Variants in LVRN observed in about 807,000 individuals in gnomAD.
LVRN encodes the protein aminopeptidase Q.
A neutral mutation model predicts 111.4 loss-of-function variants in LVRN; 99 were observed. That is an observed-to-expected ratio of 0.89 (90% CI 0.76 to 1.05). The LOEUF is 1.05. LVRN is among the 50% of genes least tolerant of loss of function. The pLI is 0.00. For synonymous variants in LVRN, 488 were observed against 449.5 expected (o/e 1.09, Z -1.08); for missense variants, 1,414 against 1,206.8 (o/e 1.17, Z -2.54).
chr5:115,962,980 G>A lies in LVRN; in HGVS notation c.363G>A (p.Pro121=), dbSNP rs1307306885. 1 of 1,613,460 alleles carries A rather than the reference G, an allele frequency of 6.2e-7. No individual in the cohort carries two copies. Among genetic ancestry groups the A allele is most frequent in the Non-Finnish European group, 8.5e-7 (1 of 1,179,894 alleles). Residue 121 remains proline (P), a synonymous_variant, in exon 1 of 20, where the codon CCG becomes CCA. Transcript: ENST00000357872. Reference sequence around the variant, plus strand: ...CGCAGCTGAGGCCCGACGAGCTTCCGGCCGGGTCTTTGCCCTTCACTGGCC... The same window carrying A: ...CGCAGCTGAGGCCCGACGAGCTTCCAGCCGGGTCTTTGCCCTTCACTGGCC... ...LWPQLRPDEL[P]AGSLPFTGRV...
Position 115,992,151 on chromosome 5 carries a change from C to A in LVRN, c.1134C>A (p.Asn378Lys), listed in dbSNP as rs1166817741. ...TDIIALPSFD[N>K]HAMENWGLMI... ...TAATTGCCTTGCCTAGTTTTGACAA[C>A]CATGCAATGGAAAACTGGGGACTAA... The change falls in exon 5 of 20, where the codon AAC (asparagine) becomes AAA (lysine). Residue 378 changes from asparagine to lysine, a missense_variant. By Grantham distance (94) the Asn-to-Lys change is moderately conservative. Coordinates refer to ENST00000357872, the MANE Select transcript of LVRN (RefSeq NM_173800.5). The A allele has an allele frequency of 1.2e-6, 2 of 1,613,394 alleles. No individual in the cohort carries two copies. Among genetic ancestry groups the A allele is most frequent in the Non-Finnish European group, 1.7e-6 (2 of 1,179,712 alleles).
At position 116,025,992 on chromosome 5, in the gene LVRN, C is replaced by T. The variant is rs1325253651; in HGVS notation, c.2847C>T (p.Phe949=). 1 of 1,613,738 alleles carries T rather than the reference C, an allele frequency of 6.2e-7. No individual in the cohort carries two copies. Among genetic ancestry groups the T allele is most frequent in the Non-Finnish European group, 8.5e-7 (1 of 1,179,806 alleles). The change falls in exon 20 of 20, where the codon TTC becomes TTT. Residue 949 remains phenylalanine, a synonymous_variant. Transcript: ENST00000357872. ...DLQIVELQQF[F]SNMLEEHQRI... ...TGTCCTTCCAGCTGCAGCAGTTTTT[C>T]AGTAACATGTTGGAGGAACACCAGA...
At chr5:115,996,110 C>T (rs1435191848) in intron 6 of LVRN, among the ~76,000 whole-genome samples, 1 of 152,152 alleles carries the variant, frequency 6.6e-6, no homozygotes, top group African/African-American at 2.4e-5. Flanking sequence ...TCTTTAACTT[C>T]TTTTGAAAGC....
At chr5:115,964,643 C>CACCT (rs1753165087) in intron 1 of LVRN, among the ~76,000 whole-genome samples, 1 of 151,690 alleles carries the variant, frequency 6.6e-6, no homozygotes, top group Admixed American at 6.6e-5. Context: ...CTCCTCTGTT[C>CACCT]ACCTACCTCT....
At chr5:116,025,918 T>G (rs900274575) in intron 19 of LVRN, 60 bp from the exon 20 acceptor site, 55 of 1,592,278 alleles carry the variant, frequency 3.5e-5, no homozygotes, top group Non-Finnish European at 4.6e-5. Flanking sequence ...CATTTAGACA[T>G]TTACTTTGTC....
chr5:116,011,135 T>C (rs988230212), intron 14 of LVRN, among the ~76,000 whole-genome samples: 2 of 151,614 alleles, frequency 1.3e-5, no homozygotes, highest in Admixed American at 1.3e-4. Flanking sequence ...ACTTCATTCT[T>C]GGTGAAGTGA....
chr5:116,002,199 G>C (rs1748250466), intron 10 of LVRN, among the ~76,000 whole-genome samples: 2 of 152,198 alleles, frequency 1.3e-5, no homozygotes, highest in South Asian at 2.1e-4. Flanking sequence ...ACAGTTGACA[G>C]TCTTCAAGAC....
At position 116,000,643 on chromosome 5, in the gene LVRN, G is replaced by A. The variant is rs200084447; in HGVS notation, c.1632G>A (p.Trp544Ter). Residue 544 changes from tryptophan (W) to a stop codon, truncating the protein, a stop_gained, in exon 9 of 20, where the codon TGG (tryptophan) becomes TGA (stop). Coordinates refer to ENST00000357872, the MANE Select transcript of LVRN (RefSeq NM_173800.5). LOFTEE classifies it high-confidence loss of function. ...CAAACGCTGAGCAAGATGATCTATGGAGGCATTTTCAAATGGTAATTGTCC... is the reference window on the plus strand; with the variant it reads ...CAAACGCTGAGCAAGATGATCTATGAAGGCATTTTCAAATGGTAATTGTCC... ...SYSNAEQDDL[W>*]RHFQMAIDDQ... The A allele has an allele frequency of 2.2e-5, 35 of 1,613,778 alleles. No homozygotes were observed. The highest frequency in any genetic ancestry group is 2.8e-5 in the Non-Finnish European group (33 of 1,179,902).
At chr5:115,994,772 A>G (rs918297882) in intron 6 of LVRN, among the ~76,000 whole-genome samples, 2 of 152,218 alleles carry the variant, frequency 1.3e-5, no homozygotes, top group Admixed American at 1.3e-4. Flanking sequence ...ATTTATTTAG[A>G]GTAATTATGT....
intron 19 of LVRN, among the ~76,000 whole-genome samples, chr5:116,025,644 G>A (rs952517212): frequency 1.3e-5 from 2 of 152,240 alleles, no homozygotes; most frequent in African/African-American, 2.4e-5. Context: ...AATTGGGGGG[G>A]TTCACTGTAT....
Position 116,003,268 on chromosome 5 carries a change from A to T in LVRN, c.1925A>T (p.Asp642Val). 1 of 1,579,878 alleles carries T rather than the reference A, an allele frequency of 6.3e-7. No homozygotes were observed. Residue 642 changes from aspartate to valine, a missense_variant, in exon 12 of 20, where the codon GAT (aspartate) becomes GTT (valine). By Grantham distance (152) the Asp-to-Val change is radical. Transcript: ENST00000357872. The part of the protein sequence containing the change: ...SKVFPEMQVS[D>V]SDHDWVILNL... ...GTATTCCCAGAAATGCAAGTTTCAG[A>T]TTCTGACCATGACTGGGTGATTTTG...
rs965953184 is a variant in LVRN, at chr5:115,983,433, A to C, written c.838+4A>C. The C allele has an allele frequency of 2.5e-6, 4 of 1,592,756 alleles. 1 individual carries two copies. In the African/African-American group the frequency reaches 5.4e-5, roughly 22 times the overall value. On this transcript the variant is annotated splice_donor_region_variant and intron_variant, in intron 2 of 19. Coordinates refer to ENST00000357872, the MANE Select transcript of LVRN (RefSeq NM_173800.5). ...CTTTCCAACATGCCAAAGCTAGGTA[A>C]GTAATGCTTTCTGTCTATATCTAGC...
rs534595899 is a variant in LVRN at position 116,000,580 on chromosome 5, T to G, written c.1582-13T>G. ...TGCTATTTATTTTAACCTTAACTTT[T>G]CTATTTTTACAGTCATATTTGAAGA... On this transcript the variant is annotated splice_polypyrimidine_tract_variant and intron_variant, in intron 8 of 19. Transcript: ENST00000357872. 14 of 1,613,826 alleles carry G rather than the reference T, an allele frequency of 8.7e-6. No individual in the cohort carries two copies. The African/African-American group carries it at 1.9e-4, about 22-fold the overall frequency.
At chr5:115,995,193 T>C (rs1202450400) in intron 6 of LVRN, among the ~76,000 whole-genome samples, 1 of 152,264 alleles carries the variant, frequency 6.6e-6, no homozygotes, top group African/African-American at 2.4e-5. Flanking sequence ...AGCTTTCCTT[T>C]TTTTATGAAA....
chr5:116,001,011 C>A, intron 9 of LVRN, 56 bp from the exon 10 acceptor site: 1 of 1,531,390 alleles, frequency 6.5e-7, no homozygotes, highest in Non-Finnish European at 8.7e-7. Context: ...GAGATTGCTA[C>A]TTCAAAATGT....
In LVRN at chr5:115,962,940, A is replaced by T; in HGVS notation, c.323A>T (p.Asp108Val). The change falls in exon 1 of 20, where the codon GAT (aspartate) becomes GTT (valine). Residue 108 changes from aspartate (D) to valine (V), a missense_variant. Transcript: ENST00000357872. Reference sequence around the variant, plus strand: ...CCCTGGCTCGTGCCGCTGCACTACGATCTGGAGCTGTGGCCGCAGCTGAGG... The same window carrying T: ...CCCTGGCTCGTGCCGCTGCACTACGTTCTGGAGCTGTGGCCGCAGCTGAGG... ...LPPWLVPLHYDLELWPQLRPD... is the reference protein window; with the variant it reads ...LPPWLVPLHYVLELWPQLRPD... The T allele has an allele frequency of 1.2e-6, 2 of 1,612,956 alleles. No individual in the cohort carries two copies. The highest frequency in any genetic ancestry group is 1.7e-6 in the Non-Finnish European group (2 of 1,179,792).
chr5:116,025,908 C>A, intron 19 of LVRN, 70 bp from the exon 20 acceptor site: 2 of 1,579,700 alleles, frequency 1.3e-6, no homozygotes, highest in Admixed American at 1.8e-5. Flanking sequence ...TGCTACTTAG[C>A]ATTTAGACAT....
intron 6 of LVRN, among the ~76,000 whole-genome samples, chr5:115,996,781 T>A (rs1383253682): frequency 1.3e-5 from 2 of 152,136 alleles, no homozygotes; most frequent in African/African-American, 2.4e-5. Context: ...GCAGTCTTGG[T>A]GAAGGGAAAA....
intron 1 of LVRN, among the ~76,000 whole-genome samples, chr5:115,982,855 T>C (rs533417288): frequency 6.7e-6 from 1 of 148,838 alleles, no homozygotes; most frequent in South Asian, 2.1e-4. Context: ...AGAGGAGGCA[T>C]GTGAGAAAAA....
Sources: allele counts gnomAD v4.1 joint callset (sites outside exome capture counted in the v4.1 genomes callset), GRCh38; gene constraint gnomAD v4.1.1; transcripts MANE v1.5; gene names NCBI Gene and HGNC (gene_info 2026-07-23, HGNC 2026-07-21).